Variants in PAPSS2 observed in about 807,000 individuals in gnomAD.
PAPSS2 encodes the protein 3'-phosphoadenosine 5'-phosphosulfate synthase 2.
A neutral mutation model predicts 66.5 loss-of-function variants in PAPSS2; 61 were observed. That is an observed-to-expected ratio of 0.92 (90% CI 0.75 to 1.14). The LOEUF is 1.14. Ranked by LOEUF, PAPSS2 falls within the 50% of genes most tolerant of loss-of-function variation. PAPSS2 has a pLI of 0.00. For synonymous variants in PAPSS2, 289 were observed against 287.5 expected (o/e 1.01, Z -0.05); for missense variants, 708 against 789.6 (o/e 0.90, Z 1.24).
intron 1 of PAPSS2, among the ~76,000 whole-genome samples, chr10:87,704,965 G>T (rs1199359624): frequency 6.6e-6 from 1 of 152,188 alleles, no homozygotes; most frequent in African/African-American, 2.4e-5. Context: ...TTTCAAAACA[G>T]CTCTGTGTTT....
Position 87,713,102 on chromosome 10 carries a change from T to C in PAPSS2, c.173T>C (p.Ile58Thr). 1.2e-6 allele frequency: 2 copies of C among 1,612,384 alleles called. No homozygotes were observed. The highest frequency in any genetic ancestry group is 1.7e-6 in the Non-Finnish European group (2 of 1,178,942). ...TGLSGAGKTT[I>T]SFALEEYLVS... is the part of the protein sequence containing the mutation. ...CTCTCTGGTGCTGGAAAAACAACGA[T>C]AAGTTTTGCCCTGGAGGAGTACCTT... The change falls in exon 3 of 13, where the codon ATA becomes ACA. Residue 58 changes from isoleucine (I) to threonine (T), a missense_variant. By Grantham distance (89) the Ile-to-Thr change is moderately conservative. Transcript: ENST00000456849.
intron 1 of PAPSS2, among the ~76,000 whole-genome samples, chr10:87,701,514 T>C (rs1853316961): frequency 6.6e-6 from 1 of 151,356 alleles, no homozygotes; most frequent in African/African-American, 2.4e-5. Flanking sequence ...CTTGACCTCC[T>C]GGGCTCAAGC....
intron 9 of PAPSS2, among the ~76,000 whole-genome samples, chr10:87,735,114 CAA>C (rs1853780890): frequency 2.0e-5 from 3 of 152,128 alleles, no homozygotes; most frequent in Non-Finnish European, 4.4e-5. Flanking sequence ...TCTAGTTCTG[CAA>C]ATCCTCTAGC....
At chr10:87,729,314 G>A (rs1271842678) in intron 9 of PAPSS2, among the ~76,000 whole-genome samples, 1 of 151,104 alleles carries the variant, frequency 6.6e-6, no homozygotes, top group Non-Finnish European at 1.5e-5. Flanking sequence ...TCCCAGCAGC[G>A]TGTGCTCATT....
intron 8 of PAPSS2, among the ~76,000 whole-genome samples, chr10:87,725,826 G>A (rs995609278): frequency 9.9e-5 from 15 of 150,868 alleles, no homozygotes; most frequent in African/African-American, 3.7e-4. Context: ...CTCCTGAGTC[G>A]CTGGGACTAC....
At chr10:87,692,394 A>G (rs1853182796) in intron 1 of PAPSS2, among the ~76,000 whole-genome samples, 1 of 152,036 alleles carries the variant, frequency 6.6e-6, no homozygotes, top group Non-Finnish European at 1.5e-5. Flanking sequence ...TGTAGGGAGG[A>G]AGAGTAGAAG....
At chr10:87,743,695 T>C in intron 11 of PAPSS2, 54 bp downstream of exon 11, 1 of 1,599,650 alleles carries the variant, frequency 6.3e-7, no homozygotes. Context: ...ACTCAGACTT[T>C]ACATAGAAGA....
intron 1 of PAPSS2, among the ~76,000 whole-genome samples, chr10:87,684,270 C>T (rs1388304885): frequency 1.3e-5 from 2 of 152,222 alleles, no homozygotes; most frequent in Admixed American, 1.3e-4. Flanking sequence ...TTGCAGGAAT[C>T]TCTTTCCATC....
At position 87,721,831 on chromosome 10, in the gene PAPSS2, GA is replaced by G. The variant is rs533865801; in HGVS notation, c.880+64del. The G allele has an allele frequency of 1.1e-4, 105 of 977,642 alleles. No homozygotes were observed. The East Asian group carries it at 2.8e-3, about 26-fold the overall frequency. 60.6% of individuals were successfully genotyped at this position (977,642 alleles called of 1,614,324 possible). A position where few individuals can be genotyped will look rare whatever the true frequency, so the allele number is the denominator to read the frequency against. On this transcript the variant is annotated intron_variant, in intron 8 of 12. Coordinates refer to ENST00000456849, the MANE Select transcript of PAPSS2 (RefSeq NM_001015880.2). The stretch of plus-strand genomic sequence containing the variant: ...ATAATTATATATGTTAAATTAACTG[GA>G]AATGGTTAAGAACATAACTAAAAGA...
chr10:87,705,012 A>C (rs183565743), intron 1 of PAPSS2, among the ~76,000 whole-genome samples: 107 of 152,356 alleles, frequency 7.0e-4, no homozygotes, highest in Non-Finnish European at 1.1e-3. Context: ...AACGAAATAC[A>C]CATTTAGAAT....
In PAPSS2 at chr10:87,727,343, C is replaced by G; in HGVS notation, c.940C>G (p.Arg314Gly). The change falls in exon 9 of 13, where the codon CGG becomes GGG. Residue 314 changes from arginine to glycine, a missense_variant. Arg to Gly is a moderately radical substitution (Grantham distance 125, BLOSUM62 -2). Transcript: ENST00000456849. The part of the protein sequence containing the change: ...VLPVSAEDKT[R>G]LEGCSKFVLA... Reference sequence around the variant, plus strand: ...GCCCGTCTCTGCAGAGGATAAGACACGGCTGGAAGGGTGCAGCAAGTTTGT... The same window carrying G: ...GCCCGTCTCTGCAGAGGATAAGACAGGGCTGGAAGGGTGCAGCAAGTTTGT... 1 of 1,614,044 alleles carries G rather than the reference C, an allele frequency of 6.2e-7. No individual in the cohort carries two copies. The highest frequency in any genetic ancestry group is 8.5e-7 in the Non-Finnish European group (1 of 1,179,986).
chr10:87,688,408 GA>G (rs1853115081), intron 1 of PAPSS2, among the ~76,000 whole-genome samples: 1 of 138,408 alleles, frequency 7.2e-6, no homozygotes, highest in African/African-American at 2.8e-5. Context: ...TTCTTCAGAG[GA>G]AAACCCTGAA....
At chr10:87,703,134 A>T (rs1394538058) in intron 1 of PAPSS2, among the ~76,000 whole-genome samples, 1 of 152,208 alleles carries the variant, frequency 6.6e-6, no homozygotes, top group East Asian at 1.9e-4. Context: ...CCATCTAGGT[A>T]ACGAAGTGTT....
intron 1 of PAPSS2, among the ~76,000 whole-genome samples, chr10:87,683,471 T>C (rs1371889305): frequency 2.0e-5 from 3 of 152,226 alleles, no homozygotes; most frequent in Non-Finnish European, 4.4e-5. Flanking sequence ...CAAGGGAATA[T>C]GCCTTATATT....
At chr10:87,708,827 T>C (rs895275204) in intron 1 of PAPSS2, among the ~76,000 whole-genome samples, 2 of 152,226 alleles carry the variant, frequency 1.3e-5, no homozygotes, top group African/African-American at 4.8e-5. Flanking sequence ...GCATTATAAT[T>C]GTATTATTTA....
chr10:87,693,277 C>T (rs967086428), intron 1 of PAPSS2, among the ~76,000 whole-genome samples: 4 of 152,192 alleles, frequency 2.6e-5, no homozygotes, highest in African/African-American at 9.7e-5. Context: ...ATTCTGTTTA[C>T]CTGAGAGCAT....
chr10:87,722,772 T>C (rs1267019400), intron 8 of PAPSS2, among the ~76,000 whole-genome samples: 1 of 152,154 alleles, frequency 6.6e-6, no homozygotes, highest in African/African-American at 2.4e-5. Flanking sequence ...ATTAGAAAGG[T>C]TGATAAAGAT....
intron 1 of PAPSS2, among the ~76,000 whole-genome samples, chr10:87,679,558 AAATAT>A (rs146839923): frequency 0.016 from 2,409 of 152,288 alleles, 59 homozygotes; most frequent in African/African-American, 0.055. Context: ...TAAGTATGTA[AAATAT>A]AATATATCAA....
At chr10:87,689,035 T>A (rs1040117272) in intron 1 of PAPSS2, among the ~76,000 whole-genome samples, 2 of 151,452 alleles carry the variant, frequency 1.3e-5, no homozygotes, top group African/African-American at 4.8e-5. Context: ...AGTTAAGGAA[T>A]AAAGAACCAG....
Sources: allele counts gnomAD v4.1 joint callset (sites outside exome capture counted in the v4.1 genomes callset), GRCh38; gene constraint gnomAD v4.1.1; transcripts MANE v1.5; gene names NCBI Gene and HGNC (gene_info 2026-07-23, HGNC 2026-07-21).